DMD: variants seen among roughly 807,000 people sequenced by gnomAD.
The protein encoded by DMD is dystrophin, also known as mutant dystrophin.
Under a neutral mutation model 330.1 loss-of-function variants are expected in DMD, and 63 were observed. The observed-to-expected ratio is 0.19, with a 90% CI of 0.16 to 0.24. DMD has a LOEUF of 0.24. Ranked by LOEUF, DMD falls within the 10% of genes least tolerant of loss-of-function variation. DMD has a pLI of 1.00. For synonymous variants in DMD, 1,223 were observed against 959.8 expected (o/e 1.27, Z -5.07); for missense variants, 3,344 against 2,684.1 (o/e 1.25, Z -5.43).
chrX:33,271,020 A>C (rs1323831793), intron 1 of DMD, among the ~76,000 whole-genome samples: 1 of 111,726 alleles, frequency 9.0e-6, no homozygotes, highest in Non-Finnish European at 1.9e-5. Context: ...GGTGTATTTA[A>C]AAAGGTGTTA....
intron 55 of DMD, among the ~76,000 whole-genome samples, chrX:31,618,945 A>G (rs1379946412): frequency 9.0e-6 from 1 of 111,054 alleles, no homozygotes; most frequent in African/African-American, 3.3e-5. Context: ...GATAAGGGAT[A>G]CTCAACCAGT....
intron 1 of DMD, among the ~76,000 whole-genome samples, chrX:33,139,418 C>T (rs2047676211): frequency 9.0e-6 from 1 of 111,346 alleles, no homozygotes; most frequent in Admixed American, 9.6e-5. Context: ...ACGATCTCAG[C>T]TCACTGCAAC....
chrX:32,585,695 G>C (rs1254239590), intron 13 of DMD, among the ~76,000 whole-genome samples: 61 of 25,620 alleles, frequency 2.4e-3, no homozygotes, highest in Admixed American at 0.012. Flanking sequence ...GCAGGACTCC[G>C]TCTCAAAAAA....
At chrX:31,657,960 C>G in intron 54 of DMD, 30 bp downstream of exon 54, 2 of 1,189,575 alleles carry the variant, frequency 1.7e-6, no homozygotes, top group Non-Finnish European at 2.3e-6. Context: ...TTACAGCCAA[C>G]AGTAGTTTTA....
chrX:33,005,032 T>G (rs756148659), intron 2 of DMD, among the ~76,000 whole-genome samples: 49 of 111,345 alleles, frequency 4.4e-4, no homozygotes, highest in Non-Finnish European at 6.4e-4. Context: ...TATTATTGTT[T>G]TGTGTGATCT....
At chrX:32,270,925 T>C (rs1295675362) in intron 43 of DMD, among the ~76,000 whole-genome samples, 3 of 111,739 alleles carry the variant, frequency 2.7e-5, no homozygotes, top group Non-Finnish European at 5.6e-5. Flanking sequence ...TGATTGACTT[T>C]GGTGAGGGCC....
chrX:33,160,400 C>G (rs944023973), intron 1 of DMD, among the ~76,000 whole-genome samples: 53 of 111,516 alleles, frequency 4.8e-4, no homozygotes, highest in African/African-American at 1.7e-3. Flanking sequence ...AAGGAAGGCT[C>G]TACTTCCTCA....
chrX:31,315,805 T>A (rs769562792), intron 62 of DMD, among the ~76,000 whole-genome samples: 1 of 112,380 alleles, frequency 8.9e-6, no homozygotes, highest in South Asian at 3.7e-4. Context: ...TAAAAATGTA[T>A]CATTGATGAC....
Position 32,201,034 on chromosome X carries a change from T to A in DMD, c.6438+15882A>T, listed in dbSNP as rs147068661. On this transcript the variant is annotated intron_variant, in intron 44 of 78. Transcript: ENST00000357033. ...CATATTGTTATGAGCTCACAACACC[T>A]GTAGCATTCACACAAATAGGATACA... is the stretch of plus-strand genomic sequence containing the variant. Among the ~76,000 whole-genome samples, 702 of 111,946 alleles carry A rather than the reference T, an allele frequency of 6.3e-3. 10 individuals carry two copies. Among genetic ancestry groups the A allele is most frequent in the African/African-American group, 0.022 (679 of 30,802 alleles).
chrX:33,236,690 G>A (rs1334673295), intron 1 of DMD, among the ~76,000 whole-genome samples: 1 of 110,900 alleles, frequency 9.0e-6, no homozygotes, highest in Non-Finnish European at 1.9e-5. Flanking sequence ...CAAAAAGCTG[G>A]CAGAAGCTTT....
intron 60 of DMD, among the ~76,000 whole-genome samples, chrX:31,350,660 A>AG (rs1391417593): frequency 2.1e-5 from 2 of 97,395 alleles, no homozygotes; most frequent in East Asian, 3.3e-4. Flanking sequence ...AGAGAGAGAG[A>AG]AGAGAAGAGA....
At position 33,007,964 on chromosome X, in the gene DMD, G is replaced by T. The variant is rs1470799358; in HGVS notation, c.93+12175C>A. 2.7e-5 allele frequency among the ~76,000 whole-genome samples: 3 copies of T among 110,939 alleles called. No homozygotes were observed. The Admixed American group carries it at 2.9e-4, about 11-fold the overall frequency. ...GGCCAGGTAAACTAAATCAAAGAAA[G>T]AAACATTTAGCAAATTCATCTGCAA... is the stretch of plus-strand genomic sequence containing the variant. On this transcript the variant is annotated intron_variant, in intron 2 of 78. Coordinates refer to ENST00000357033, the MANE Select transcript of DMD (RefSeq NM_004006.3).
intron 61 of DMD, among the ~76,000 whole-genome samples, chrX:31,327,045 A>T (rs2056831942): frequency 8.9e-6 from 1 of 112,077 alleles, no homozygotes; most frequent in Non-Finnish European, 1.9e-5. Context: ...TTTCTATATG[A>T]CACCGGGTTG....
intron 44 of DMD, among the ~76,000 whole-genome samples, chrX:32,152,832 A>C (rs1275226207): frequency 8.9e-6 from 1 of 112,166 alleles, no homozygotes; most frequent in African/African-American, 3.2e-5. Flanking sequence ...CATAGGAAAG[A>C]ATTAGAAAAA....
At chrX:31,656,484 C>CT (rs1215695152) in intron 54 of DMD, among the ~76,000 whole-genome samples, 2 of 111,742 alleles carry the variant, frequency 1.8e-5, no homozygotes, top group Non-Finnish European at 3.8e-5. Flanking sequence ...CATGAGCAAG[C>CT]TTTTTTCTTG....
intron 7 of DMD, among the ~76,000 whole-genome samples, chrX:32,751,157 T>G (rs1176949050): frequency 1.8e-5 from 2 of 111,729 alleles, no homozygotes; most frequent in South Asian, 3.8e-4. Context: ...AAAAGACACG[T>G]GAAAATGTGG....
intron 62 of DMD, among the ~76,000 whole-genome samples, chrX:31,282,857 G>A (rs1305813792): frequency 8.9e-6 from 1 of 111,737 alleles, no homozygotes; most frequent in East Asian, 2.8e-4. Context: ...GAACCAAGTG[G>A]AGTCTGATTT....
chrX:32,712,458 G>T (rs1304104008), intron 7 of DMD, among the ~76,000 whole-genome samples: 3 of 111,715 alleles, frequency 2.7e-5, no homozygotes, highest in Non-Finnish European at 5.7e-5. Context: ...TATTTTGAAA[G>T]ATAATACTAA....
At chrX:32,775,374 C>A (rs1432461148) in intron 7 of DMD, among the ~76,000 whole-genome samples, 1 of 112,736 alleles carries the variant, frequency 8.9e-6, no homozygotes, top group Non-Finnish European at 1.9e-5. Context: ...ACATTTCCCC[C>A]CTGCATTGCC....
Sources: allele counts gnomAD v4.1 joint callset (sites outside exome capture counted in the v4.1 genomes callset), GRCh38; gene constraint gnomAD v4.1.1; transcripts MANE v1.5; gene names NCBI Gene and HGNC (gene_info 2026-07-23, HGNC 2026-07-21).